Variants in DIS3L2 observed in about 807,000 individuals in gnomAD.
DIS3L2 encodes DIS3 like 3'-5' exoribonuclease 2.
In DIS3L2, 34 loss-of-function variants were observed where a neutral mutation model predicts 97.5. That is an observed-to-expected ratio of 0.35 (90% CI 0.27 to 0.46). The LOEUF (loss-of-function observed/expected upper bound fraction) is 0.46, where lower values mean the gene tolerates loss of function less well. Ranked by LOEUF, DIS3L2 falls within the 20% of genes least tolerant of loss-of-function variation. DIS3L2 has a pLI of 1.00. For synonymous variants in DIS3L2, 435 were observed against 445.2 expected, an observed-to-expected ratio of 0.98 and a Z score of 0.29; for missense variants, 1,038 against 1,146.0, an observed-to-expected ratio of 0.91 and a Z score of 1.36.
intron 5 of DIS3L2, among the ~76,000 whole-genome samples, chr2:232,042,536 A>G (rs963414344): frequency 2.0e-5 from 3 of 152,138 alleles, no homozygotes. Context: ...ATGGTAGGTA[A>G]GGTATATCCA....
intron 5 of DIS3L2, among the ~76,000 whole-genome samples, chr2:232,035,316 G>A (rs1694920279): frequency 6.6e-6 from 1 of 152,126 alleles, no homozygotes; most frequent in Non-Finnish European, 1.5e-5. Flanking sequence ...GACTAGGATT[G>A]CATCCCCTGC....
intron 5 of DIS3L2, among the ~76,000 whole-genome samples, chr2:232,030,492 A>G (rs1181807229): frequency 1.3e-5 from 2 of 152,178 alleles, no homozygotes; most frequent in African/African-American, 4.8e-5. Context: ...CAGGCAATAC[A>G]TGTGGAGTTC....
chr2:232,156,583 T>G (rs1194151440), intron 8 of DIS3L2, among the ~76,000 whole-genome samples: 1 of 152,152 alleles, frequency 6.6e-6, no homozygotes, highest in Non-Finnish European at 1.5e-5. Context: ...ACTTTAGTAT[T>G]ATATTTAAAA....
At chr2:232,086,355 ATATG>A (rs1696598355) in intron 5 of DIS3L2, among the ~76,000 whole-genome samples, 1 of 84,506 alleles carries the variant, frequency 1.2e-5, no homozygotes, top group Non-Finnish European at 2.3e-5. Context: ...ATATGTATAT[ATATG>A]TGTATATGTA....
downstream of DIS3L2, among the ~76,000 whole-genome samples, chr2:232,340,498 TAC>T (rs1192610407): frequency 1.3e-5 from 2 of 152,134 alleles, no homozygotes; most frequent in Non-Finnish European, 2.9e-5. Flanking sequence ...AGCCATCTCC[TAC>T]AGAGGCAAAA....
chr2:232,330,682 G>C lies in DIS3L2; in HGVS notation c.1924-8G>C, dbSNP rs773732424. 6.2e-7 allele frequency: 1 copy of C among 1,613,998 alleles called. No homozygotes were observed. Among genetic ancestry groups the C allele is most frequent in the Non-Finnish European group, 8.5e-7 (1 of 1,180,012 alleles). ...CACGTCACATAGGTTTCTGGGATTTGCTTCTAGAAAAGCCTGACCCAAACA... is the reference window on the plus strand; with the variant it reads ...CACGTCACATAGGTTTCTGGGATTTCCTTCTAGAAAAGCCTGACCCAAACA... On this transcript the variant is annotated splice_region_variant and splice_polypyrimidine_tract_variant and intron_variant, in intron 15 of 20. Transcript: ENST00000325385.
intron 5 of DIS3L2, among the ~76,000 whole-genome samples, chr2:232,063,110 T>C (rs1695758180): frequency 1.3e-5 from 2 of 152,230 alleles, no homozygotes; most frequent in Non-Finnish European, 2.9e-5. Flanking sequence ...CAGTCCTTGC[T>C]AGGCTCCTGC....
intron 1 of DIS3L2, among the ~76,000 whole-genome samples, chr2:231,983,600 A>G (rs987273058): frequency 2.0e-5 from 3 of 152,150 alleles, no homozygotes; most frequent in African/African-American, 2.4e-5. Flanking sequence ...CTAATGCCTG[A>G]TGATTGAGGG....
chr2:232,036,375 A>G (rs1201503592), intron 5 of DIS3L2, among the ~76,000 whole-genome samples: 2 of 152,114 alleles, frequency 1.3e-5, no homozygotes, highest in African/African-American at 2.4e-5. Flanking sequence ...CTATCTAGTC[A>G]TTTATGTTCT....
At chr2:232,149,040 G>C (rs940219601) in intron 8 of DIS3L2, among the ~76,000 whole-genome samples, 3 of 149,092 alleles carry the variant, frequency 2.0e-5, no homozygotes, top group Non-Finnish European at 4.4e-5. Context: ...GCACTGTCCA[G>C]GCAGTTGTTT....
rs534739529 is a variant in DIS3L2 at position 231,986,309 on chromosome 2, A to G, written c.-94+24544A>G. Among the ~76,000 whole-genome samples the G allele has an allele frequency of 2.6e-5, 4 of 152,292 alleles. No individual in the cohort carries two copies. The South Asian group carries it at 8.3e-4, about 32-fold the overall frequency. ...TAAACTCCCTTTCATATATGCATAT[A>G]AACTATTAGTTCTGCCCCTCTGGAG... On this transcript the variant is annotated intron_variant, in intron 1 of 20. Transcript: ENST00000325385.
chr2:232,047,338 G>A (rs1249464285), intron 5 of DIS3L2, among the ~76,000 whole-genome samples: 1 of 152,138 alleles, frequency 6.6e-6, no homozygotes, highest in Non-Finnish European at 1.5e-5. Context: ...AGTTGATAGT[G>A]TAAAGAACTA....
At chr2:232,040,276 T>G (rs931366377) in intron 5 of DIS3L2, among the ~76,000 whole-genome samples, 1 of 152,206 alleles carries the variant, frequency 6.6e-6, no homozygotes, top group African/African-American at 2.4e-5. Flanking sequence ...AGCTTTCTCT[T>G]CCTGGTATAC....
chr2:232,024,353 A>G lies in DIS3L2; in HGVS notation c.264+23A>G, dbSNP rs774221188. The G allele has an allele frequency of 7.7e-6, 12 of 1,550,526 alleles. No individual in the cohort carries two copies. In the East Asian group the frequency reaches 2.7e-4, roughly 35 times the overall value. On this transcript the variant is annotated intron_variant, in intron 4 of 20. Transcript: ENST00000325385. Reference sequence around the variant, plus strand: ...CCGGTAAGTTCAATAAATTTATAATAAACTTTATGTCACATTTAATTTTTT... The same window carrying G: ...CCGGTAAGTTCAATAAATTTATAATGAACTTTATGTCACATTTAATTTTTT...
At chr2:231,984,968 A>G (rs1693370381) in intron 1 of DIS3L2, among the ~76,000 whole-genome samples, 1 of 152,232 alleles carries the variant, frequency 6.6e-6, no homozygotes, top group South Asian at 2.1e-4. Context: ...ATGCAATTGT[A>G]AGAAATAATG....
intron 3 of DIS3L2, among the ~76,000 whole-genome samples, chr2:232,022,742 C>G (rs566622119): frequency 6.6e-6 from 1 of 152,146 alleles, no homozygotes; most frequent in East Asian, 1.9e-4. Context: ...TCCCTTGTAC[C>G]CCGTCATTTG....
chr2:232,012,691 T>C (rs1300685899), intron 1 of DIS3L2, among the ~76,000 whole-genome samples: 1 of 152,182 alleles, frequency 6.6e-6, no homozygotes, highest in Non-Finnish European at 1.5e-5. Flanking sequence ...TTCTTTGTTG[T>C]ATTTTATACT....
chr2:232,108,131 C>CA (rs1374238271), intron 6 of DIS3L2, among the ~76,000 whole-genome samples: 3 of 151,858 alleles, frequency 2.0e-5, no homozygotes, highest in South Asian at 2.1e-4. Flanking sequence ...TAAAAATCCT[C>CA]AAAAAAAATA....
intron 6 of DIS3L2, among the ~76,000 whole-genome samples, chr2:232,088,060 A>G (rs1226343007): frequency 6.6e-6 from 1 of 152,242 alleles, no homozygotes; most frequent in African/African-American, 2.4e-5. Flanking sequence ...ATTCATATGA[A>G]AAATCACTTT....
Sources: gnomAD v4.1 joint callset for allele counts (sites outside exome capture counted in the v4.1 genomes callset) on GRCh38, gnomAD v4.1.1 for gene constraint, MANE v1.5 for transcripts, NCBI Gene and HGNC (gene_info 2026-07-23, HGNC 2026-07-21) for gene names.